Variants in C5orf34 observed in about 807,000 individuals in gnomAD.
The protein encoded by C5orf34 is uncharacterized protein C5orf34.
In C5orf34, 73 loss-of-function variants were observed where a neutral mutation model predicts 78.4. The ratio of observed to expected loss-of-function variants is 0.93; its 90% CI spans 0.77 to 1.13. The LOEUF (loss-of-function observed/expected upper bound fraction) is 1.13, where lower values mean the gene tolerates loss of function less well. C5orf34 is among the 50% of genes most tolerant of loss of function. C5orf34 has a pLI of 0.00. For missense variants in C5orf34, 730 were observed against 732.7 expected (o/e 1.00, Z 0.04); for synonymous variants, 251 against 246.6 (o/e 1.02, Z -0.17).
In C5orf34 at chr5:43,508,624, T is replaced by G. The variant is rs1746092406; in HGVS notation, c.238A>C (p.Thr80Pro). The change falls in exon 3 of 13, where the codon ACT (threonine) becomes CCT (proline). Residue 80 changes from threonine (T) to proline (P), a missense_variant. By Grantham distance (38) the Thr-to-Pro change is conservative. Transcript: ENST00000306862. The part of the protein sequence containing the change: ...RALDFRNSSA[T>P]CPFLSETIIP... Reference sequence around the variant, plus strand: ...ATGGTTTCAGATAAAAAAGGGCAAGTAGCTGAAGAGTTTCGAAAATCTAGG... The same window carrying G: ...ATGGTTTCAGATAAAAAAGGGCAAGGAGCTGAAGAGTTTCGAAAATCTAGG... 6.2e-7 allele frequency: 1 copy of G among 1,612,238 alleles called. No individual in the cohort carries two copies.
Position 43,509,189 on chromosome 5 carries a change from C to A in C5orf34, c.151G>T (p.Glu51Ter). 1 of 1,613,852 alleles carries A rather than the reference C, an allele frequency of 6.2e-7. No individual in the cohort carries two copies. The highest frequency in any genetic ancestry group is 8.5e-7 in the Non-Finnish European group (1 of 1,179,946). Reference protein sequence around the residue: ...PVSAHPLEQPERIRQRTHFVI... With the variant: ...PVSAHPLEQP ...AAATGTGTCCTTTGACGAATTCTTT[C>A]TGGTTGTTCTAAAGGATGTGCTGAA... The change falls in exon 2 of 13, where the codon GAA becomes TAA. Residue 51 changes from glutamate to a stop codon, truncating the protein, a stop_gained. Coordinates refer to ENST00000306862, the MANE Select transcript of C5orf34 (RefSeq NM_198566.4). LOFTEE classifies it high-confidence loss of function.
Position 43,502,401 on chromosome 5 carries a change from A to G in C5orf34, c.1123T>C (p.Tyr375His), listed in dbSNP as rs760895357. ...EGAYFGNYFT[Y>H]YSIQEGSGKR... is the part of the protein sequence containing the mutation. ...CCTGATCCTTCTTGAATAGAATAAT[A>G]AGTAAAATAGTTCCCAAAATAAGCC... The change falls in exon 6 of 13, where the codon TAT (tyrosine) becomes CAT (histidine). Residue 375 changes from tyrosine to histidine, a missense_variant. By Grantham distance (83) the Tyr-to-His change is moderately conservative (BLOSUM62 2). Transcript: ENST00000306862. 6.2e-7 allele frequency: 1 copy of G among 1,611,908 alleles called. No individual in the cohort carries two copies. The highest frequency in any genetic ancestry group is 1.1e-5 in the South Asian group (1 of 90,736).
At chr5:43,509,817 G>A (rs961163635) in intron 1 of C5orf34, among the ~76,000 whole-genome samples, 10 of 151,978 alleles carry the variant, frequency 6.6e-5, no homozygotes, top group African/African-American at 2.4e-4. Context: ...GTGCAGTGGT[G>A]TGATCTCGGC....
intron 1 of C5orf34, among the ~76,000 whole-genome samples, chr5:43,512,347 C>T (rs1746304562): frequency 6.6e-6 from 1 of 152,222 alleles, no homozygotes; most frequent in Non-Finnish European, 1.5e-5. Context: ...TTCACTTTAT[C>T]CCTATTTCCT....
At chr5:43,495,582 C>T (rs10066408) in intron 6 of C5orf34, 754,882 of 1,609,728 alleles carry the variant, frequency 0.47, 183,067 homozygotes, top group African/African-American at 0.59. Context: ...TGGTGCATTT[C>T]GACAGATTTT....
chr5:43,495,007 A>G (rs1745442281), intron 6 of C5orf34: 1 of 1,286,292 alleles, frequency 7.8e-7, no homozygotes, highest in Admixed American at 1.8e-5. Flanking sequence ...CAATTGAAAC[A>G]AACAGTTCTG....
chr5:43,505,157 G>C (rs983884410), intron 4 of C5orf34, among the ~76,000 whole-genome samples: 1 of 152,226 alleles, frequency 6.6e-6, no homozygotes, highest in African/African-American at 2.4e-5. Flanking sequence ...TTTATGCAAA[G>C]TTGATGTTAC....
intron 4 of C5orf34, among the ~76,000 whole-genome samples, chr5:43,504,654 G>C (rs1745904135): frequency 1.3e-5 from 2 of 152,152 alleles, no homozygotes; most frequent in South Asian, 4.1e-4. Context: ...CTAAAGTCCA[G>C]CTTAGCAAGA....
rs1442710468 is a variant in C5orf34 at position 43,511,348 on chromosome 5, C to T, written c.-36-1973G>A. ...GGCAGCCGCCCCGTCCGGCAGCCGC[C>T]CCGTCCGGGAGGGAGGTGGGGGGCA... On this transcript the variant is annotated intron_variant, in intron 1 of 12. Transcript: ENST00000306862. The T allele has an allele frequency of 1.0e-3, 153 of 153,222 alleles. 1 individual carries two copies. Among genetic ancestry groups the T allele is most frequent in the South Asian group, 4.0e-4 (2 of 4,998 alleles). 9.5% of individuals were successfully genotyped at this position (153,222 alleles called of 1,614,324 possible). A position where few individuals can be genotyped will look rare whatever the true frequency, so the allele number is the denominator to read the frequency against.
At chr5:43,492,935 G>T in intron 8 of C5orf34, 45 bp from the exon 9 acceptor site, 5 of 1,368,576 alleles carry the variant, frequency 3.7e-6, no homozygotes, top group Non-Finnish European at 5.0e-6. Flanking sequence ...AGTTATCTAA[G>T]AACAAGATTT....
In C5orf34 at chr5:43,508,480, G is replaced by C. The variant is rs986597135; in HGVS notation, c.285+97C>G. On this transcript the variant is annotated intron_variant, in intron 3 of 12. Transcript: ENST00000306862. ...ATGTTTTATAGCAATGTATCCCCAG[G>C]TGTCCTGAAAAGGAAAAAAAGGCTA... 2.7e-5 allele frequency: 19 copies of C among 700,006 alleles called. No individual in the cohort carries two copies. The African/African-American group carries it at 3.0e-4, about 11-fold the overall frequency. The allele number at this position is 700,006 out of a possible 1,614,324, so 43.4% of individuals were successfully genotyped here.
intron 6 of C5orf34, among the ~76,000 whole-genome samples, chr5:43,498,963 C>A (rs557161848): frequency 6.6e-6 from 1 of 152,186 alleles, no homozygotes; most frequent in South Asian, 2.1e-4. Context: ...TCGCCCCAGG[C>A]TCTTGTGTCC....
At chr5:43,501,761 A>G (rs1433711458) in intron 6 of C5orf34, among the ~76,000 whole-genome samples, 2 of 152,226 alleles carry the variant, frequency 1.3e-5, no homozygotes, top group African/African-American at 2.4e-5. Context: ...GAGAGAAAAC[A>G]TACTTATTTT....
chr5:43,493,052 C>CT (rs1014207220), intron 8 of C5orf34, among the ~76,000 whole-genome samples, 162 bp from the exon 9 acceptor site: 3 of 150,842 alleles, frequency 2.0e-5, no homozygotes, highest in Non-Finnish European at 4.4e-5. Flanking sequence ...CCAAAACAGT[C>CT]TTTTTTTCAA....
At position 43,492,887 on chromosome 5, in the gene C5orf34, G is replaced by C. The variant is rs772432252; in HGVS notation, c.1318C>G (p.Pro440Ala). The C allele has an allele frequency of 1.1e-5, 18 of 1,579,734 alleles. No individual in the cohort carries two copies. In the African/African-American group the frequency reaches 2.3e-4, roughly 20 times the overall value. The change falls in exon 9 of 13, where the codon CCT becomes GCT. Residue 440 changes from proline to alanine, a missense_variant. Pro to Ala is a conservative substitution (Grantham distance 27). Transcript: ENST00000306862. ...AGTATATTGCTATCATTTATCCCAG[G>C]TACCTAAAACCAAGTAAATAAAAAT... ...NYRICCWKMVPGINDSNILPL... is the reference protein window; with the variant it reads ...NYRICCWKMVAGINDSNILPL...
intron 7 of C5orf34, among the ~76,000 whole-genome samples, chr5:43,494,272 G>A (rs892773759): frequency 6.6e-6 from 1 of 152,082 alleles, no homozygotes; most frequent in Non-Finnish European, 1.5e-5. Flanking sequence ...CTCAGCACTT[G>A]CTCACCATAT....
intron 5 of C5orf34, 109 bp downstream of exon 5, chr5:43,503,556 C>G (rs759242285): frequency 4.7e-5 from 38 of 800,202 alleles, no homozygotes; most frequent in Non-Finnish European, 7.9e-5. Context: ...GTTGGCCCAA[C>G]AGAACTGTGT....
intron 6 of C5orf34, among the ~76,000 whole-genome samples, chr5:43,500,461 T>C (rs1745710593): frequency 6.6e-6 from 1 of 152,184 alleles, no homozygotes; most frequent in African/African-American, 2.4e-5. Flanking sequence ...AGTGGTGTGA[T>C]CTTGGCTCAC....
chr5:43,492,605 T>C (rs1745327598), intron 9 of C5orf34, 115 bp downstream of exon 9: 1 of 902,688 alleles, frequency 1.1e-6, no homozygotes, highest in Non-Finnish European at 1.7e-6. Flanking sequence ...GTAAAGCTTC[T>C]TGACAGATTT....
Sources: allele counts gnomAD v4.1 joint callset (sites outside exome capture counted in the v4.1 genomes callset), GRCh38; gene constraint gnomAD v4.1.1; transcripts MANE v1.5; gene names NCBI Gene and HGNC (gene_info 2026-07-23, HGNC 2026-07-21).